Variants in HGD observed in about 807,000 individuals in gnomAD.
The protein encoded by HGD is homogentisate 1,2-dioxygenase.
Under a neutral mutation model 60.8 loss-of-function variants are expected in HGD, and 61 were observed. The observed-to-expected ratio is 1.00, with a 90% CI of 0.82 to 1.24. The LOEUF (loss-of-function observed/expected upper bound fraction) is 1.24. HGD is among the 50% of genes most tolerant of loss of function. HGD has a pLI of 0.00. For missense variants in HGD, 542 were observed against 547.1 expected, an observed-to-expected ratio of 0.99 and a Z score of 0.09; for synonymous variants, 212 against 187.7, an observed-to-expected ratio of 1.13 and a Z score of -1.06.
chr3:120,650,893 G>A, intron 5 of HGD, 28 bp from the exon 6 acceptor site: 2 of 1,565,096 alleles, frequency 1.3e-6, no homozygotes, highest in Non-Finnish European at 1.8e-6. Flanking sequence ...AAGAGGGAAA[G>A]GTTAATGTGA....
At chr3:120,656,655 G>A (rs1941506952) in intron 4 of HGD, among the ~76,000 whole-genome samples, 1 of 152,052 alleles carries the variant, frequency 6.6e-6, no homozygotes, top group South Asian at 2.1e-4. Flanking sequence ...GGGTTCAAGC[G>A]ATTCTACTGC....
chr3:120,629,383 C>A (rs1940514875), intron 13 of HGD, among the ~76,000 whole-genome samples: 1 of 152,138 alleles, frequency 6.6e-6, no homozygotes. Context: ...GTGCTACAAC[C>A]CAAAGCACCC....
At chr3:120,650,910 C>A in intron 5 of HGD, 45 bp from the exon 6 acceptor site, 1 of 1,446,914 alleles carries the variant, frequency 6.9e-7, no homozygotes. Context: ...GTGAACGGTG[C>A]CCAAGAGGCA....
At chr3:120,668,137 G>A (rs1388512227) in intron 4 of HGD, among the ~76,000 whole-genome samples, 4 of 152,188 alleles carry the variant, frequency 2.6e-5, no homozygotes, top group Non-Finnish European at 5.9e-5. Context: ...GACCAGGGAG[G>A]ATGTCTGCTT....
At chr3:120,653,749 G>A (rs1430135211) in intron 4 of HGD, among the ~76,000 whole-genome samples, 1 of 152,174 alleles carries the variant, frequency 6.6e-6, no homozygotes, top group Non-Finnish European at 1.5e-5. Context: ...CATTAAGGAT[G>A]GTATCTCTTA....
At chr3:120,657,212 CA>C (rs1396666583) in intron 4 of HGD, among the ~76,000 whole-genome samples, 11 of 152,030 alleles carry the variant, frequency 7.2e-5, no homozygotes, top group African/African-American at 2.4e-4. Flanking sequence ...ATGAGGTGGT[CA>C]AAAATAATTT....
At chr3:120,658,418 T>C (rs1228962800) in intron 4 of HGD, among the ~76,000 whole-genome samples, 2 of 152,212 alleles carry the variant, frequency 1.3e-5, no homozygotes, top group Non-Finnish European at 2.9e-5. Context: ...TTTGACCTAA[T>C]GTCCCACATC....
chr3:120,660,346 T>C (rs1455092996), intron 4 of HGD, among the ~76,000 whole-genome samples: 2 of 152,110 alleles, frequency 1.3e-5, no homozygotes, highest in Non-Finnish European at 2.9e-5. Flanking sequence ...CTAAGAAAGA[T>C]AGGAAGGATT....
At position 120,680,184 on chromosome 3, in the gene HGD, T is replaced by A. The variant is rs1708207545; in HGVS notation, c.15+1913A>T. Among the ~76,000 whole-genome samples the A allele has an allele frequency of 2.0e-5, 3 of 152,250 alleles. No homozygotes were observed. In the South Asian group the frequency reaches 6.2e-4, roughly 31 times the overall value. ...CATTTTAAATTTAATTTTATTACTT[T>A]ATCTTTTGAATTTTCTTACCCCAGT... On this transcript the variant is annotated intron_variant, in intron 1 of 13. Coordinates refer to ENST00000283871, the MANE Select transcript of HGD (RefSeq NM_000187.4).
At chr3:120,681,465 C>G (rs950991913) in intron 1 of HGD, among the ~76,000 whole-genome samples, 15 of 152,162 alleles carry the variant, frequency 9.9e-5, no homozygotes, top group South Asian at 6.2e-4. Flanking sequence ...TTGGCAGTGA[C>G]CTTGGGCAAA....
intron 1 of HGD, among the ~76,000 whole-genome samples, chr3:120,680,167 ATTTAAT>A (rs1296725369): frequency 1.3e-5 from 2 of 152,216 alleles, no homozygotes; most frequent in African/African-American, 2.4e-5. Flanking sequence ...TTCATTTTAA[ATTTAAT>A]TTTATTACTT....
At position 120,650,881 on chromosome 3, in the gene HGD, A is replaced by C. The variant is rs370353059; in HGVS notation, c.343-16T>G. 6.3e-7 allele frequency: 1 copy of C among 1,597,312 alleles called. No individual in the cohort carries two copies. Among genetic ancestry groups the C allele is most frequent in the African/African-American group, 1.3e-5 (1 of 74,542 alleles). On this transcript the variant is annotated splice_polypyrimidine_tract_variant and intron_variant, in intron 5 of 13. Coordinates refer to ENST00000283871, the MANE Select transcript of HGD (RefSeq NM_000187.4). ...TATGCAGGCCCTGGGAGAGACCCACAGAAGAGGGAAAGGTTAATGTGAACG... is the reference window on the plus strand; with the variant it reads ...TATGCAGGCCCTGGGAGAGACCCACCGAAGAGGGAAAGGTTAATGTGAACG...
rs1225474444 is a variant in HGD at position 120,682,224 on chromosome 3, T to C, written c.-113A>G. ...CTTTGGATATTCCGGTTCCCACTGC[T>C]TCACTGCGCTTCACTGGTCAGTGCG... On this transcript the variant is annotated 5_prime_UTR_variant, in exon 1 of 14. Coordinates refer to ENST00000283871, the MANE Select transcript of HGD (RefSeq NM_000187.4). 2.1e-6 allele frequency: 2 copies of C among 952,586 alleles called. No homozygotes were observed. Among genetic ancestry groups the C allele is most frequent in the Non-Finnish European group, 3.4e-6 (2 of 580,382 alleles). 59.0% of individuals were successfully genotyped at this position (952,586 alleles called of 1,614,324 possible).
intron 11 of HGD, among the ~76,000 whole-genome samples, 194 bp from the exon 12 acceptor site, chr3:120,638,775 T>A (rs1407224735): frequency 6.6e-6 from 1 of 152,120 alleles, no homozygotes; most frequent in Non-Finnish European, 1.5e-5. Flanking sequence ...GATACTGAGG[T>A]TTGGGGTAGG....
At position 120,638,376 on chromosome 3, in the gene HGD, C is replaced by T. The variant is rs958585378; in HGVS notation, c.1006+79G>A. ...GGTGGGTGTCCAGAAATAACCCAGG[C>T]ATTATTCCCAATGTGTAGCGCTCAC... On this transcript the variant is annotated intron_variant, in intron 12 of 13. Coordinates refer to ENST00000283871, the MANE Select transcript of HGD (RefSeq NM_000187.4). The T allele has an allele frequency of 3.9e-6, 6 of 1,553,394 alleles. No homozygotes were observed. The African/African-American group carries it at 8.1e-5, about 21-fold the overall frequency.
intron 12 of HGD, chr3:120,633,737 A>G: frequency 2.0e-6 from 1 of 498,180 alleles, no homozygotes; most frequent in Non-Finnish European, 3.4e-6. Context: ...AAGTAGCTCC[A>G]CTGTAGGACA....
intron 4 of HGD, among the ~76,000 whole-genome samples, chr3:120,669,343 T>C (rs1707973097): frequency 6.6e-6 from 1 of 152,046 alleles, no homozygotes; most frequent in Non-Finnish European, 1.5e-5. Flanking sequence ...CCTATAAAAT[T>C]TCCGCTCATC....
intron 6 of HGD, among the ~76,000 whole-genome samples, chr3:120,650,144 G>T (rs1047672486): frequency 2.0e-5 from 3 of 152,294 alleles, no homozygotes. Flanking sequence ...TGGGAAAATT[G>T]TATCATTCAG....
At chr3:120,635,578 TAATA>T (rs937868154) in intron 12 of HGD, among the ~76,000 whole-genome samples, 4 of 151,374 alleles carry the variant, frequency 2.6e-5, no homozygotes, top group Admixed American at 6.6e-5. Context: ...TTTTCTCTTA[TAATA>T]AAGTCACATC....
Sources: allele counts gnomAD v4.1 joint callset (sites outside exome capture counted in the v4.1 genomes callset), GRCh38; gene constraint gnomAD v4.1.1; transcripts MANE v1.5; gene names NCBI Gene and HGNC (gene_info 2026-07-23, HGNC 2026-07-21).